Variants in ZNF428 observed in about 807,000 individuals in gnomAD.
The protein encoded by ZNF428 is enzyme-like protein PIT13.
A neutral mutation model predicts 15.6 loss-of-function variants in ZNF428; 5 were observed. The observed-to-expected ratio is 0.32, with a 90% CI of 0.17 to 0.67. The LOEUF (loss-of-function observed/expected upper bound fraction) is 0.67, where lower values mean the gene tolerates loss of function less well. Among genes scored for constraint, ZNF428 ranks in the 30% least tolerant of loss-of-function variants. ZNF428 has a pLI of 0.73. For missense variants in ZNF428, 237 were observed against 256.0 expected (o/e 0.93, Z 0.51); for synonymous variants, 97 against 102.2 (o/e 0.95, Z 0.31).
intron 2 of ZNF428, chr19:43,613,537 T>C: frequency 5.8e-6 from 9 of 1,551,104 alleles, no homozygotes; most frequent in Non-Finnish European, 7.8e-6. Context: ...AGGCGAGAGA[T>C]CGCAGCCGAT....
chr19:43,616,125 G>A (rs542856192), intron 1 of ZNF428, among the ~76,000 whole-genome samples: 1 of 152,274 alleles, frequency 6.6e-6, no homozygotes, highest in African/African-American at 2.4e-5. Flanking sequence ...CTGTAACAAA[G>A]GCTGTAGGAG....
At chr19:43,609,507 G>A (rs981125070) in intron 2 of ZNF428, among the ~76,000 whole-genome samples, 1 of 152,104 alleles carries the variant, frequency 6.6e-6, no homozygotes, top group African/African-American at 2.4e-5. Flanking sequence ...GGGAGGCTGA[G>A]GTGGGCGGAT....
At position 43,614,504 on chromosome 19, in the gene ZNF428, C is replaced by T. The variant is rs567784883; in HGVS notation, c.-130-70G>A. 7.2e-6 allele frequency: 10 copies of T among 1,384,026 alleles called. No individual in the cohort carries two copies. In the African/African-American group the frequency reaches 1.2e-4, roughly 16 times the overall value. 85.7% of individuals were successfully genotyped at this position (1,384,026 alleles called of 1,614,324 possible). On this transcript the variant is annotated intron_variant, in intron 1 of 2. Coordinates refer to ENST00000300811, the MANE Select transcript of ZNF428 (RefSeq NM_182498.4). ...TTACATAGCACCCATCCCCACCAAG[C>T]CCAACTGTGTGCTCACTGCTGGCAT...
At chr19:43,616,590 C>G (rs1472935902) in intron 1 of ZNF428, among the ~76,000 whole-genome samples, 2 of 152,180 alleles carry the variant, frequency 1.3e-5, no homozygotes, top group African/African-American at 2.4e-5. Context: ...AAAATGATTT[C>G]TCAGCTCAAA....
chr19:43,609,632 C>T, intron 2 of ZNF428, among the ~76,000 whole-genome samples: 1 of 151,748 alleles, frequency 6.6e-6, no homozygotes, highest in Non-Finnish European at 1.5e-5. Context: ...GTCCCAGCTA[C>T]TCAGGACTCT....
chr19:43,616,635 G>T (rs1973374207), intron 1 of ZNF428, among the ~76,000 whole-genome samples: 2 of 152,176 alleles, frequency 1.3e-5, no homozygotes, highest in Admixed American at 1.3e-4. Context: ...CTCACTGATA[G>T]AAATTGCTGG....
chr19:43,607,957 C>T lies in ZNF428; in HGVS notation c.227G>A (p.Gly76Asp), dbSNP rs1181087428. The T allele has an allele frequency of 1.3e-6, 2 of 1,593,928 alleles. No homozygotes were observed. The highest frequency in any genetic ancestry group is 2.7e-5 in the African/African-American group (2 of 74,734). ...ACGGGGGGCCCGGCGGGATGGGCCA[C>T]CACGGCCCCCGCCAAGGCGCTGCTT... ...KVKQRLGGGR[G>D]GPSRRAPRAA... is the part of the protein sequence containing the mutation. The change falls in exon 3 of 3, where the codon GGT becomes GAT. Residue 76 changes from glycine (G) to aspartate (D), a missense_variant. Transcript: ENST00000300811. The surrounding 1 kb of genome is among the most constrained non-coding windows in gnomAD (Gnocchi z 5.1).
In ZNF428 at chr19:43,612,353, C is replaced by G; in HGVS notation, c.76+1876G>C. The G allele has an allele frequency of 1.3e-6, 2 of 1,551,682 alleles. No individual in the cohort carries two copies. Among genetic ancestry groups the G allele is most frequent in the South Asian group, 1.2e-5 (1 of 84,054 alleles). Reference sequence around the variant, plus strand: ...TACAAAAAGAGCCCCTTCTAACCGGCCCAGCAGCAGGTCCCGAGTCCGCAG... The same window carrying G: ...TACAAAAAGAGCCCCTTCTAACCGGGCCAGCAGCAGGTCCCGAGTCCGCAG... On this transcript the variant is annotated intron_variant, in intron 2 of 2. Transcript: ENST00000300811. The surrounding 1 kb of genome is among the most constrained non-coding windows in gnomAD (Gnocchi z 4.2).
At position 43,607,605 on chromosome 19, in the gene ZNF428, T is replaced by C; in HGVS notation, c.*12A>G. On this transcript the variant is annotated 3_prime_UTR_variant, in exon 3 of 3. Coordinates refer to ENST00000300811, the MANE Select transcript of ZNF428 (RefSeq NM_182498.4). This position sits in a 1 kb window ranked among gnomAD's most constrained non-coding sequence, Gnocchi z 5.1. ...CACCCCTTCTGCCAAGCTCCCCGTA[T>C]GGGGGCTCTGCCTACACCTCACCCC... 1 of 1,550,496 alleles carries C rather than the reference T, an allele frequency of 6.4e-7. No individual in the cohort carries two copies. The highest frequency in any genetic ancestry group is 8.7e-7 in the Non-Finnish European group (1 of 1,143,890).
rs1302241925 is a variant in ZNF428 at position 43,612,944 on chromosome 19, C to T, written c.76+1285G>A. 7 of 1,551,592 alleles carry T rather than the reference C, an allele frequency of 4.5e-6. No individual in the cohort carries two copies. Among genetic ancestry groups the T allele is most frequent in the South Asian group, 2.4e-5 (2 of 84,062 alleles). On this transcript the variant is annotated intron_variant, in intron 2 of 2. Coordinates refer to ENST00000300811, the MANE Select transcript of ZNF428 (RefSeq NM_182498.4). This position sits in a 1 kb window ranked among gnomAD's most constrained non-coding sequence, Gnocchi z 4.2. ...CAAGAGTTATAACCAGGCCAGCACC[C>T]GCAGCAGGCCGCAAAGTCACAGCCA...
chr19:43,608,835 G>A lies in ZNF428; in HGVS notation c.77-728C>T, dbSNP rs190111151. Among the ~76,000 whole-genome samples, 399 of 151,662 alleles carry A rather than the reference G, an allele frequency of 2.6e-3. 4 individuals carry two copies. The highest frequency in any genetic ancestry group is 3.4e-3 in the Middle Eastern group (1 of 294). On this transcript the variant is annotated intron_variant, in intron 2 of 2. Coordinates refer to ENST00000300811, the MANE Select transcript of ZNF428 (RefSeq NM_182498.4). Reference sequence around the variant, plus strand: ...CCCAGCTACTCGGGAGGCTGAGGCAGGAGAACTGCTTCAACCCAGGAGGCG... The same window carrying A: ...CCCAGCTACTCGGGAGGCTGAGGCAAGAGAACTGCTTCAACCCAGGAGGCG...
chr19:43,612,085 T>G lies in ZNF428; in HGVS notation c.76+2144A>C. 1 of 1,478,100 alleles carries G rather than the reference T, an allele frequency of 6.8e-7. No individual in the cohort carries two copies. The highest frequency in any genetic ancestry group is 9.2e-7 in the Non-Finnish European group (1 of 1,082,014). The allele number at this position is 1,478,100 out of a possible 1,614,324, so 91.6% of individuals were successfully genotyped here. On this transcript the variant is annotated intron_variant, in intron 2 of 2. Transcript: ENST00000300811. This position sits in a 1 kb window ranked among gnomAD's most constrained non-coding sequence, Gnocchi z 4.2. ...CGGCTACCAGGTGTTTCATGTCTAC[T>G]GTGACTTCCAGGACCACAAGCCCTT...
chr19:43,613,915 C>T (rs761541559), intron 2 of ZNF428: 2 of 1,551,534 alleles, frequency 1.3e-6, no homozygotes, highest in Non-Finnish European at 1.7e-6. Flanking sequence ...GATCTAGAAG[C>T]CCCAATAAGC....
At chr19:43,613,862 C>A (rs748483822) in intron 2 of ZNF428, 21 of 1,551,148 alleles carry the variant, frequency 1.4e-5, no homozygotes, top group Non-Finnish European at 1.7e-5. Flanking sequence ...GGAGAGAGAG[C>A]GCAGACAATC....
At chr19:43,617,155 A>G (rs996230167) in intron 1 of ZNF428, among the ~76,000 whole-genome samples, 3 of 152,098 alleles carry the variant, frequency 2.0e-5, no homozygotes, top group South Asian at 2.1e-4. Context: ...CACCACAAAC[A>G]TAAGAACCTC....
chr19:43,609,667 G>A lies in ZNF428; in HGVS notation c.77-1560C>T, dbSNP rs185985515. On this transcript the variant is annotated intron_variant, in intron 2 of 2. Coordinates refer to ENST00000300811, the MANE Select transcript of ZNF428 (RefSeq NM_182498.4). The stretch of plus-strand genomic sequence containing the variant: ...TGAGGCAGGAGAATTGCTCGAACCC[G>A]GGAGGCGGAGGTTGCGATGAGCCAA... Among the ~76,000 whole-genome samples, 473 of 151,942 alleles carry A rather than the reference G, an allele frequency of 3.1e-3. 4 individuals carry two copies. The highest frequency in any genetic ancestry group is 4.8e-3 in the Non-Finnish European group (327 of 67,938).
intron 2 of ZNF428, among the ~76,000 whole-genome samples, chr19:43,610,275 C>T (rs190782704): frequency 1.5e-4 from 23 of 151,992 alleles, no homozygotes; most frequent in Non-Finnish European, 3.1e-4. Flanking sequence ...TCTCAGCTCA[C>T]TGGAAACTCC....
chr19:43,610,704 C>T (rs1301417532), intron 2 of ZNF428, among the ~76,000 whole-genome samples: 1 of 152,144 alleles, frequency 6.6e-6, no homozygotes, highest in African/African-American at 2.4e-5. Flanking sequence ...TCTGAGGCTT[C>T]ACACACACTG....
At position 43,614,238 on chromosome 19, in the gene ZNF428, G is replaced by A; in HGVS notation, c.67C>T (p.Leu23Phe). ...YASLEEDDED[L>F]SPGPEHSSDS... ...TCTAAGGCCACCTTACCTGGGGAAA[G>A]GTCTTCATCATCTTCTTCCAAGCTG... Residue 23 changes from leucine to phenylalanine, a missense_variant, in exon 2 of 3, where the codon CTT (leucine) becomes TTT (phenylalanine). Transcript: ENST00000300811. 1.2e-6 allele frequency: 2 copies of A among 1,614,184 alleles called. No homozygotes were observed. The highest frequency in any genetic ancestry group is 1.1e-5 in the South Asian group (1 of 91,080).
Sources: allele counts gnomAD v4.1 joint callset (sites outside exome capture counted in the v4.1 genomes callset), GRCh38; gene constraint gnomAD v4.1.1; non-coding constraint Gnocchi (gnomAD v3.1); transcripts MANE v1.5; gene names NCBI Gene and HGNC (gene_info 2026-07-23, HGNC 2026-07-21).